TTC29: variants seen among roughly 807,000 people sequenced by gnomAD.
TTC29 encodes tetratricopeptide repeat domain 29, also known as tetratricopeptide repeat protein 29.
A neutral mutation model predicts 58.1 loss-of-function variants in TTC29; 49 were observed. The ratio of observed to expected loss-of-function variants is 0.84; its 90% CI spans 0.67 to 1.07. The LOEUF is 1.07. TTC29 is among the 50% of genes least tolerant of loss of function. The pLI, the probability that TTC29 is intolerant of heterozygous loss-of-function variation, is 0.00. For missense variants in TTC29, 582 were observed against 555.6 expected, an observed-to-expected ratio of 1.05 and a Z score of -0.48; for synonymous variants, 209 against 196.8, an observed-to-expected ratio of 1.06 and a Z score of -0.52.
chr4:146,785,254 A>G (rs201469030), intron 11 of TTC29, among the ~76,000 whole-genome samples: 1 of 146,972 alleles, frequency 6.8e-6, no homozygotes, highest in East Asian at 2.0e-4. Flanking sequence ...GTGCAATGGC[A>G]TGATCCCAGA....
chr4:146,779,728 C>T (rs913763227), intron 11 of TTC29, among the ~76,000 whole-genome samples: 1 of 152,152 alleles, frequency 6.6e-6, no homozygotes, highest in African/African-American at 2.4e-5. Context: ...TGGCTCTCAA[C>T]TCCTGGTGAA....
intron 11 of TTC29, among the ~76,000 whole-genome samples, chr4:146,750,043 G>C (rs1745860984): frequency 6.6e-6 from 1 of 152,014 alleles, no homozygotes; most frequent in Non-Finnish European, 1.5e-5. Flanking sequence ...GTCTCACTCT[G>C]TCGCCCTACA....
chr4:146,750,870 C>T (rs372274380), intron 11 of TTC29, among the ~76,000 whole-genome samples: 9 of 152,184 alleles, frequency 5.9e-5, no homozygotes, highest in Non-Finnish European at 1.0e-4. Context: ...TTACCTATAT[C>T]GATAATAACT....
At chr4:146,798,426 T>C (rs1749974576) in intron 11 of TTC29, among the ~76,000 whole-genome samples, 1 of 152,176 alleles carries the variant, frequency 6.6e-6, no homozygotes, top group Non-Finnish European at 1.5e-5. Flanking sequence ...TTATAAATTC[T>C]AGCAGAAGGA....
intron 11 of TTC29, among the ~76,000 whole-genome samples, chr4:146,745,545 G>A (rs1164168060): frequency 6.6e-6 from 1 of 152,212 alleles, no homozygotes; most frequent in Non-Finnish European, 1.5e-5. Flanking sequence ...AAATGAAATT[G>A]AGCTAAAGTC....
At chr4:146,859,271 A>G (rs1051061944) in intron 8 of TTC29, among the ~76,000 whole-genome samples, 1 of 152,120 alleles carries the variant, frequency 6.6e-6, no homozygotes, top group African/African-American at 2.4e-5. Context: ...AAGTATGGGA[A>G]ATGACACAGA....
At chr4:146,879,782 T>G (rs28491918) in intron 6 of TTC29, among the ~76,000 whole-genome samples, 9,443 of 152,146 alleles carry the variant, frequency 0.062, 988 homozygotes, top group African/African-American at 0.21. Flanking sequence ...CATCAAGGAA[T>G]AGGGACAGCA....
At chr4:146,829,340 T>C (rs574853350) in intron 9 of TTC29, among the ~76,000 whole-genome samples, 2 of 152,306 alleles carry the variant, frequency 1.3e-5, no homozygotes, top group Non-Finnish European at 2.9e-5. Flanking sequence ...AAGGATGTGG[T>C]TGAGTGAACA....
chr4:146,917,915 A>T (rs1734345195), intron 4 of TTC29, among the ~76,000 whole-genome samples: 1 of 150,278 alleles, frequency 6.7e-6, no homozygotes, highest in African/African-American at 2.4e-5. Context: ...CAATATAAAA[A>T]TATTACCAAA....
intron 10 of TTC29, among the ~76,000 whole-genome samples, chr4:146,810,458 A>G (rs2150127612): frequency 6.6e-6 from 1 of 152,334 alleles, no homozygotes; most frequent in South Asian, 2.1e-4. Context: ...TGGCAGTTTC[A>G]TATGGTTCAA....
chr4:146,942,587 A>C, intron 2 of TTC29: 1 of 1,532,244 alleles, frequency 6.5e-7, no homozygotes, highest in Non-Finnish European at 8.7e-7. Flanking sequence ...AGCTTACTTC[A>C]GAGGAGCTGT....
At chr4:146,875,666 A>C (rs1056688057) in intron 6 of TTC29, among the ~76,000 whole-genome samples, 2 of 152,140 alleles carry the variant, frequency 1.3e-5, no homozygotes, top group African/African-American at 4.8e-5. Context: ...TCCAAACATT[A>C]TGGCGCCTTA....
intron 4 of TTC29, among the ~76,000 whole-genome samples, chr4:146,916,962 T>C (rs1734262375): frequency 1.3e-5 from 2 of 151,230 alleles, no homozygotes; most frequent in Admixed American, 1.3e-4. Context: ...ATTAGAAAAA[T>C]ATTTTATACT....
At chr4:146,869,381 T>G (rs79625614) in intron 7 of TTC29, among the ~76,000 whole-genome samples, 1,701 of 152,252 alleles carry the variant, frequency 0.011, 28 homozygotes, top group African/African-American at 0.037. Flanking sequence ...ATTTCCCTGA[T>G]TGCAGAGAAT....
chr4:146,930,922 C>A (rs1213223380), intron 4 of TTC29, among the ~76,000 whole-genome samples: 1 of 152,180 alleles, frequency 6.6e-6, no homozygotes, highest in East Asian at 1.9e-4. Context: ...TAGAGAAGTG[C>A]ATTTTGCACT....
intron 11 of TTC29, among the ~76,000 whole-genome samples, chr4:146,728,795 GTATA>G (rs1210329336): frequency 9.0e-6 from 1 of 111,436 alleles, no homozygotes; most frequent in Non-Finnish European, 1.8e-5. Context: ...GTATATATAC[GTATA>G]TATACACATA....
chr4:146,814,330 G>A lies in TTC29; in HGVS notation c.1101+5795C>T, dbSNP rs147365259. Among the ~76,000 whole-genome samples the A allele has an allele frequency of 2.8e-3, 426 of 151,460 alleles. 3 individuals carry two copies. Among genetic ancestry groups the A allele is most frequent in the Non-Finnish European group, 4.6e-3 (311 of 67,864 alleles). Reference sequence around the variant, plus strand: ...GTGGGGCAGCTCATGCCTGTAATCCGCAGCACTCTGGGAGGCTGAAGCAGG... The same window carrying A: ...GTGGGGCAGCTCATGCCTGTAATCCACAGCACTCTGGGAGGCTGAAGCAGG... On this transcript the variant is annotated intron_variant, in intron 10 of 12. Transcript: ENST00000325106.
At chr4:146,833,347 G>GT (rs1399357967) in intron 9 of TTC29, among the ~76,000 whole-genome samples, 1 of 152,104 alleles carries the variant, frequency 6.6e-6, no homozygotes, top group Non-Finnish European at 1.5e-5. Flanking sequence ...GGGAATATTG[G>GT]TTTTAACCCC....
intron 11 of TTC29, among the ~76,000 whole-genome samples, chr4:146,708,519 A>G (rs910246028): frequency 2.0e-5 from 3 of 151,134 alleles, no homozygotes; most frequent in Admixed American, 6.6e-5. Context: ...ATCATATATT[A>G]TATGTATATC....
Sources: allele counts gnomAD v4.1 joint callset (sites outside exome capture counted in the v4.1 genomes callset), GRCh38; gene constraint gnomAD v4.1.1; transcripts MANE v1.5; gene names NCBI Gene and HGNC (gene_info 2026-07-23, HGNC 2026-07-21).